TMEM143: variants seen among roughly 807,000 people sequenced by gnomAD.
TMEM143 encodes transmembrane protein 143.
TMEM143 carries 45 observed loss-of-function variants against 40.3 expected under a neutral mutation model. The ratio of observed to expected loss-of-function variants is 1.12; its 90% CI spans 0.88 to 1.43. The LOEUF (loss-of-function observed/expected upper bound fraction) is 1.43, where lower values mean the gene tolerates loss of function less well. Ranked by LOEUF, TMEM143 falls within the 40% of genes most tolerant of loss-of-function variation. The pLI, the probability that TMEM143 is intolerant of heterozygous loss-of-function variation, is 0.00. For synonymous variants in TMEM143, 299 were observed against 282.7 expected (o/e 1.06, Z -0.58); for missense variants, 620 against 613.4 (o/e 1.01, Z -0.11).
chr19:48,359,318 G>C (rs1600927023), intron 3 of TMEM143, among the ~76,000 whole-genome samples: 1 of 151,730 alleles, frequency 6.6e-6, no homozygotes, highest in East Asian at 1.9e-4. Flanking sequence ...CCTCCTCACT[G>C]TTCAATACTC....
chr19:48,352,246 C>CAAAAAAAAAAAACA lies in TMEM143; in HGVS notation c.370-6893_370-6892insTGTTTTTTTTTTTT, dbSNP rs1555887038. On this transcript the variant is annotated intron_variant, in intron 3 of 7. Coordinates refer to ENST00000293261, the MANE Select transcript of TMEM143 (RefSeq NM_018273.4). ...TGGGTGACAGAGTGAGACTCTGTCT[C>CAAAAAAAAAAAACA]AAAAAAAAAAAAAAAACACCATATC... Among the ~76,000 whole-genome samples the CAAAAAAAAAAAACA allele has an allele frequency of 4.8e-5, 2 of 41,576 alleles. 1 individual carries two copies. Among genetic ancestry groups the CAAAAAAAAAAAACA allele is most frequent in the East Asian group, 1.9e-3 (2 of 1,034 alleles). 27.3% of individuals were successfully genotyped at this position (41,576 alleles called of 152,430 possible). A position where few individuals can be genotyped will look rare whatever the true frequency, so the allele number is the denominator to read the frequency against.
intron 3 of TMEM143, among the ~76,000 whole-genome samples, chr19:48,346,405 C>T (rs1969633933): frequency 6.6e-6 from 1 of 152,000 alleles, no homozygotes. Flanking sequence ...TTTCTTATCA[C>T]ACCCATATCC....
intron 6 of TMEM143, among the ~76,000 whole-genome samples, chr19:48,336,320 C>T (rs1196224281): frequency 6.6e-6 from 1 of 151,512 alleles, no homozygotes; most frequent in Non-Finnish European, 1.5e-5. Flanking sequence ...GAGTTCGAAA[C>T]CAGCCTGGCC....
chr19:48,338,192 C>T (rs1042047897), intron 6 of TMEM143, among the ~76,000 whole-genome samples: 2 of 152,180 alleles, frequency 1.3e-5, no homozygotes, highest in Non-Finnish European at 2.9e-5. Flanking sequence ...TCTGCAGTCC[C>T]CTGACTCTCT....
Position 48,363,287 on chromosome 19 carries a change from G to T in TMEM143, c.264+4C>A, listed in dbSNP as rs113264994. The stretch of plus-strand genomic sequence containing the variant: ...CAGGCTCTTGGGCCTGGGACAGGCG[G>T]TACCTGTATTAGGAGGCGGAGCAGC... On this transcript the variant is annotated splice_donor_region_variant and intron_variant, in intron 2 of 7. Transcript: ENST00000293261. 1.2e-6 allele frequency: 2 copies of T among 1,612,560 alleles called. No homozygotes were observed. The highest frequency in any genetic ancestry group is 2.7e-5 in the African/African-American group (2 of 74,860).
rs201880614 is a variant in TMEM143 at position 48,345,299 on chromosome 19, G to A, written c.425C>T (p.Thr142Met). 9.1e-5 allele frequency: 146 copies of A among 1,605,024 alleles called. No homozygotes were observed. In the Middle Eastern group the frequency reaches 1.8e-3, roughly 20 times the overall value. Residue 142 changes from threonine (T) to methionine (M), a missense_variant, in exon 4 of 8, where the codon ACG becomes ATG. Physicochemically the swap from Thr to Met is moderately conservative, Grantham distance 81 (BLOSUM62 -1). Transcript: ENST00000293261. ...CTCATTAGACAGACGCTGGGGATCC[G>A]TTAGTGATGGCTGATCGAGGGTCTC... ...DRETLDQPSL[T>M]DPQRLSNEQE...
At position 48,359,502 on chromosome 19, in the gene TMEM143, CCT is replaced by C. The variant is rs1183472495; in HGVS notation, c.369+568_369+569del. ...CGTCTGAAACAGGCCCCATCTCACCCCTCTTTGTTTTTTTTTTTTTTTTGAGA... is the reference window on the plus strand; with the variant it reads ...CGTCTGAAACAGGCCCCATCTCACCCCTTTGTTTTTTTTTTTTTTTTGAGA... On this transcript the variant is annotated intron_variant, in intron 3 of 7. Coordinates refer to ENST00000293261, the MANE Select transcript of TMEM143 (RefSeq NM_018273.4). 3.0e-4 allele frequency among the ~76,000 whole-genome samples: 43 copies of C among 142,774 alleles called. No individual in the cohort carries two copies. In the South Asian group the frequency reaches 8.8e-3, roughly 29 times the overall value. The allele number at this position is 142,774 out of a possible 152,430, so 93.7% of individuals were successfully genotyped here.
intron 3 of TMEM143, among the ~76,000 whole-genome samples, chr19:48,354,264 CTTTTTTTT>C (rs71181682): frequency 2.7e-5 from 3 of 110,326 alleles, no homozygotes; most frequent in Non-Finnish European, 3.8e-5. Flanking sequence ...CAGACTTTTT[CTTTTTTTT>C]TTTTTTTTTT....
intron 6 of TMEM143, among the ~76,000 whole-genome samples, chr19:48,338,807 G>T (rs1969427677): frequency 6.6e-6 from 1 of 152,112 alleles, no homozygotes; most frequent in African/African-American, 2.4e-5. Flanking sequence ...AGAGCCCAGG[G>T]TATGGAGGAA....
Position 48,333,441 on chromosome 19 carries a change from G to T in TMEM143, c.1166-8C>A. 6.4e-7 allele frequency: 1 copy of T among 1,561,818 alleles called. No individual in the cohort carries two copies. The highest frequency in any genetic ancestry group is 8.7e-7 in the Non-Finnish European group (1 of 1,146,558). ...GGAGCCACCTGGAGGTCTCTGCAAG[G>T]GGAGAGGCAGGTGTTCTGAGGTCAC... On this transcript the variant is annotated splice_region_variant and splice_polypyrimidine_tract_variant and intron_variant, in intron 7 of 7. Transcript: ENST00000293261. The surrounding 1 kb of genome is among the most constrained non-coding windows in gnomAD (Gnocchi z 4.1).
chr19:48,334,015 C>T lies in TMEM143; in HGVS notation c.1158G>A (p.Ser386=). The T allele has an allele frequency of 3.2e-6, 5 of 1,548,476 alleles. No individual in the cohort carries two copies. Among genetic ancestry groups the T allele is most frequent in the Non-Finnish European group, 4.3e-6 (5 of 1,149,844 alleles). ...LARRPGGTQG[S]PEETSRWLRS... ...CCCAGGGCCACGTCCTACCTTCGGG[C>T]GAGCCTTGAGTGCCCCCTGGCCGCC... The change falls in exon 7 of 8, where the codon TCG becomes TCA. Residue 386 remains serine (S), a synonymous_variant. Transcript: ENST00000293261.
intron 6 of TMEM143, 25 bp from the exon 7 acceptor site, chr19:48,334,222 G>C: frequency 6.4e-7 from 1 of 1,567,450 alleles, no homozygotes; most frequent in Non-Finnish European, 8.6e-7. Context: ...GCGCCCCGTG[G>C]GCTCAGTTCG....
intron 3 of TMEM143, among the ~76,000 whole-genome samples, chr19:48,345,632 T>C (rs1300935249): frequency 6.8e-6 from 1 of 147,962 alleles, no homozygotes; most frequent in Non-Finnish European, 1.5e-5. Flanking sequence ...GTAATATATA[T>C]ATATATTTTT....
At chr19:48,357,436 C>T (rs1177618348) in intron 3 of TMEM143, among the ~76,000 whole-genome samples, 1 of 150,048 alleles carries the variant, frequency 6.7e-6, no homozygotes, top group Non-Finnish European at 1.5e-5. Flanking sequence ...TCACTGCAAG[C>T]TCCGCCTCCC....
chr19:48,344,456 T>G (rs1969577452), intron 4 of TMEM143, among the ~76,000 whole-genome samples: 1 of 151,884 alleles, frequency 6.6e-6, no homozygotes, highest in Non-Finnish European at 1.5e-5. Flanking sequence ...ATCCAACTAA[T>G]TTTTGTATTT....
chr19:48,347,869 T>C (rs76832891), intron 3 of TMEM143, among the ~76,000 whole-genome samples: 3 of 146,296 alleles, frequency 2.1e-5, no homozygotes, highest in African/African-American at 7.5e-5. Flanking sequence ...TTTTTTTTTT[T>C]AATTAGCCAG....
intron 6 of TMEM143, among the ~76,000 whole-genome samples, chr19:48,339,741 G>T (rs961332190): frequency 1.3e-5 from 2 of 151,986 alleles, no homozygotes; most frequent in Non-Finnish European, 2.9e-5. Flanking sequence ...TTGTTTGTTT[G>T]TGTTGGGATG....
rs771813497 is a variant in TMEM143, at chr19:48,343,368, G to A, written c.648C>T (p.Ser216=). Residue 216 remains serine (S), a synonymous_variant, in exon 5 of 8, where the codon AGC becomes AGT. Coordinates refer to ENST00000293261, the MANE Select transcript of TMEM143 (RefSeq NM_018273.4). ...QRVGQMPLKS[S]VGSRRGFFTK... ...TGAAGAAGCCACGCCTGGAGCCCAC[G>A]CTGGACTTCAGGGGCATCTGCCCGA... The A allele has an allele frequency of 1.9e-5, 30 of 1,609,174 alleles. No individual in the cohort carries two copies. The highest frequency in any genetic ancestry group is 1.0e-4 in the South Asian group (9 of 90,122).
chr19:48,359,599 C>T (rs984633158), intron 3 of TMEM143, among the ~76,000 whole-genome samples: 19 of 151,648 alleles, frequency 1.3e-4, no homozygotes, highest in African/African-American at 4.6e-4. Flanking sequence ...CTCCGCCTCC[C>T]GGGTTCATGC....
Sources: allele counts gnomAD v4.1 joint callset (sites outside exome capture counted in the v4.1 genomes callset), GRCh38; gene constraint gnomAD v4.1.1; non-coding constraint Gnocchi (gnomAD v3.1); transcripts MANE v1.5; gene names NCBI Gene and HGNC (gene_info 2026-07-23, HGNC 2026-07-21).